Variants in U2SURP observed in about 807,000 individuals in gnomAD.
The protein encoded by U2SURP is U2 snRNP associated SURP domain containing, also known as U2 snRNP-associated SURP motif-containing protein.
A neutral mutation model predicts 144.9 loss-of-function variants in U2SURP; 9 were observed. The ratio of observed to expected loss-of-function variants is 0.06; its 90% confidence interval spans 0.04 to 0.11. The LOEUF (loss-of-function observed/expected upper bound fraction) is 0.11, where lower values mean the gene tolerates loss of function less well. Ranked by LOEUF, U2SURP falls within the 10% of genes least tolerant of loss-of-function variation. The pLI, the probability that U2SURP is intolerant of heterozygous loss-of-function variation, is 1.00. For missense variants in U2SURP, 724 were observed against 1,226.7 expected (o/e 0.59, Z 6.12); for synonymous variants, 408 against 396.8 (o/e 1.03, Z -0.33).
intron 19 of U2SURP, 104 bp downstream of exon 19, chr3:143,035,079 T>A: frequency 1.8e-6 from 1 of 555,322 alleles, no homozygotes; most frequent in Non-Finnish European, 3.0e-6. Flanking sequence ...GACATAAATT[T>A]AAAACTTAGA....
chr3:143,037,436 A>G, intron 21 of U2SURP, 101 bp downstream of exon 21: 3 of 1,097,410 alleles, frequency 2.7e-6, no homozygotes, highest in Non-Finnish European at 2.6e-6. Context: ...ATAGTTTCTC[A>G]TGAACGTATC....
chr3:143,049,385 A>G (rs1934728182), intron 24 of U2SURP, among the ~76,000 whole-genome samples: 1 of 152,106 alleles, frequency 6.6e-6, no homozygotes, highest in African/African-American at 2.4e-5. Context: ...TTTTTGAAGT[A>G]TAAATAAAAT....
Position 143,033,049 on chromosome 3 carries a change from A to G in U2SURP, c.1773+103A>G, listed in dbSNP as rs113734081. The stretch of plus-strand genomic sequence containing the variant: ...GCACTTGACTGATGAGATTTTTCCC[A>G]TGCAGTCTTATGTTATTTCTGCTTG... On this transcript the variant is annotated intron_variant, in intron 17 of 27. Coordinates refer to ENST00000473835, the MANE Select transcript of U2SURP (RefSeq NM_001080415.2). 11 of 1,272,578 alleles carry G rather than the reference A, an allele frequency of 8.6e-6. No homozygotes were observed. In the African/African-American group the frequency reaches 1.5e-4, roughly 17 times the overall value. 78.8% of individuals were successfully genotyped at this position (1,272,578 alleles called of 1,614,324 possible).
chr3:143,001,712 C>T lies in U2SURP; in HGVS notation c.45+39C>T, dbSNP rs767616520. The T allele has an allele frequency of 3.7e-6, 6 of 1,611,954 alleles. No homozygotes were observed. The Admixed American group carries it at 8.4e-5, about 22-fold the overall frequency. On this transcript the variant is annotated intron_variant, in intron 1 of 27. Coordinates refer to ENST00000473835, the MANE Select transcript of U2SURP (RefSeq NM_001080415.2). ...AAATTTCGTAAGTCAGCGGATCTAC[C>T]ACTGTCGTTTGGGGCCCACAGACGC...
Position 143,038,157 on chromosome 3 carries a change from C to G in U2SURP, c.2271C>G (p.Ala757=), listed in dbSNP as rs1180797185. 1.9e-6 allele frequency: 3 copies of G among 1,607,706 alleles called. No individual in the cohort carries two copies. Among genetic ancestry groups the G allele is most frequent in the African/African-American group, 2.7e-5 (2 of 74,678 alleles). ...AGAATGAGCCTATATTTAAAGTTGC[C>G]CCATCAAAATGGGAAGCTGTGGATG... ...SKKNEPIFKV[A]PSKWEAVDES... The change falls in exon 22 of 28, where the codon GCC becomes GCG. Residue 757 remains alanine (A), a synonymous_variant. Coordinates refer to ENST00000473835, the MANE Select transcript of U2SURP (RefSeq NM_001080415.2).
intron 1 of U2SURP, among the ~76,000 whole-genome samples, chr3:143,004,397 C>G (rs1316101972): frequency 9.0e-6 from 1 of 110,768 alleles, no homozygotes; most frequent in African/African-American, 3.4e-5. Context: ...GGAGTCTTGC[C>G]TTGTCGCCCA....
Position 143,016,824 on chromosome 3 carries a change from T to C in U2SURP, c.437-18T>C. ...ATATTGCGAAATTAGTTTTGAAACT[T>C]AGTATTTTAAATTTCAGAAGAACAT... On this transcript the variant is annotated intron_variant, in intron 5 of 27. Transcript: ENST00000473835. 1 of 1,510,842 alleles carries C rather than the reference T, an allele frequency of 6.6e-7. No homozygotes were observed. Among genetic ancestry groups the C allele is most frequent in the Non-Finnish European group, 8.8e-7 (1 of 1,135,936 alleles). 93.6% of individuals were successfully genotyped at this position (1,510,842 alleles called of 1,614,324 possible).
intron 13 of U2SURP, chr3:143,025,947 C>G (rs1195385234): frequency 6.6e-6 from 1 of 152,054 alleles, no homozygotes; most frequent in Non-Finnish European, 1.5e-5. Flanking sequence ...CTGTCTTGTT[C>G]TATAACTATA....
chr3:143,046,271 T>C (rs1934436307), intron 24 of U2SURP, among the ~76,000 whole-genome samples: 1 of 141,592 alleles, frequency 7.1e-6, no homozygotes, highest in South Asian at 2.2e-4. Flanking sequence ...CAGTTCTTTT[T>C]TTTTTTTTTT....
In U2SURP at chr3:143,036,061, T is replaced by G. The variant is rs778366159; in HGVS notation, c.2021T>G (p.Ile674Ser). 1.2e-6 allele frequency: 2 copies of G among 1,611,488 alleles called. No homozygotes were observed. The highest frequency in any genetic ancestry group is 1.7e-6 in the Non-Finnish European group (2 of 1,179,024). ...CCATTTTTGATCAAACTACAAAATA[T>G]TTTCTTAGGACTTGTAAATATTATT... The part of the protein sequence containing the change: ...PEPFLIKLQN[I>S]FLGLVNIIEE... Residue 674 changes from isoleucine (I) to serine (S), a missense_variant, in exon 20 of 28, where the codon ATT (isoleucine) becomes AGT (serine). By Grantham distance (142) the Ile-to-Ser change is moderately radical (BLOSUM62 -2). Coordinates refer to ENST00000473835, the MANE Select transcript of U2SURP (RefSeq NM_001080415.2).
chr3:143,020,821 C>T (rs1936592648), intron 8 of U2SURP, 128 bp downstream of exon 8: 1 of 654,354 alleles, frequency 1.5e-6, no homozygotes, highest in South Asian at 2.2e-5. Flanking sequence ...CTATCCTTTT[C>T]CTTACACATT....
intron 24 of U2SURP, among the ~76,000 whole-genome samples, chr3:143,047,240 C>G (rs1242937957): frequency 1.2e-5 from 1 of 86,112 alleles, no homozygotes; most frequent in Non-Finnish European, 2.1e-5. Flanking sequence ...CCCCACCTCC[C>G]TCCCGGACGG....
At chr3:143,049,806 T>C (rs548128421) in intron 24 of U2SURP, among the ~76,000 whole-genome samples, 25 of 152,348 alleles carry the variant, frequency 1.6e-4, no homozygotes, top group East Asian at 3.9e-4. Context: ...AAGATACTTA[T>C]ATCTCCAGAA....
At chr3:143,035,637 G>T (rs1257177665) in intron 19 of U2SURP, among the ~76,000 whole-genome samples, 1 of 152,064 alleles carries the variant, frequency 6.6e-6, no homozygotes, top group Non-Finnish European at 1.5e-5. Flanking sequence ...GTCAAAACTT[G>T]GCTACTTTGG....
intron 24 of U2SURP, among the ~76,000 whole-genome samples, chr3:143,044,887 C>G (rs1037923808): frequency 2.6e-5 from 4 of 152,146 alleles, no homozygotes; most frequent in African/African-American, 4.8e-5. Context: ...TATGTAGAGT[C>G]AGCGTGGTGT....
chr3:143,001,683 G>T lies in U2SURP; in HGVS notation c.45+10G>T. 1 of 1,613,730 alleles carries T rather than the reference G, an allele frequency of 6.2e-7. No individual in the cohort carries two copies. Among genetic ancestry groups the T allele is most frequent in the South Asian group, 1.1e-5 (1 of 90,958 alleles). On this transcript the variant is annotated intron_variant, in intron 1 of 27. Coordinates refer to ENST00000473835, the MANE Select transcript of U2SURP (RefSeq NM_001080415.2). ...GAAGGCCAGTTCAAAGGTAATTTCT[G>T]ACAAAATTTCGTAAGTCAGCGGATC...
chr3:143,020,388 T>C lies in U2SURP; in HGVS notation c.639-211T>C, dbSNP rs1009744618. ...TTTAATTTCCTCCTCACCTTTAAAG[T>C]AGGCTTTGTGTTCCATTGGTAGTAT... is the stretch of plus-strand genomic sequence containing the variant. On this transcript the variant is annotated intron_variant, in intron 7 of 27. Coordinates refer to ENST00000473835, the MANE Select transcript of U2SURP (RefSeq NM_001080415.2). Among the ~76,000 whole-genome samples the C allele has an allele frequency of 7.2e-5, 11 of 152,158 alleles. 1 individual carries two copies. The highest frequency in any genetic ancestry group is 2.7e-4 in the African/African-American group (11 of 41,448).
At position 143,021,728 on chromosome 3, in the gene U2SURP, T is replaced by TA. The variant is rs1034945895; in HGVS notation, c.852+173_852+174insA. ...TGTCTTGCCACATATTCTTGTTTCC[T>TA]CTTTCAGTAACTAGATTGAACTCTG... is the stretch of plus-strand genomic sequence containing the variant. On this transcript the variant is annotated intron_variant, in intron 10 of 27. Coordinates refer to ENST00000473835, the MANE Select transcript of U2SURP (RefSeq NM_001080415.2). 102 of 632,760 alleles carry TA rather than the reference T, an allele frequency of 1.6e-4. 1 individual carries two copies. The highest frequency in any genetic ancestry group is 2.2e-4 in the Non-Finnish European group (79 of 364,732). The allele number at this position is 632,760 out of a possible 1,614,324, so 39.2% of individuals were successfully genotyped here.
At chr3:143,052,534 G>A (rs1043990520) in intron 25 of U2SURP, among the ~76,000 whole-genome samples, 6 of 152,220 alleles carry the variant, frequency 3.9e-5, no homozygotes, top group African/African-American at 1.4e-4. Flanking sequence ...TATAATTGGA[G>A]AGAAGGAATA....
Sources: allele counts gnomAD v4.1 joint callset (sites outside exome capture counted in the v4.1 genomes callset), GRCh38; gene constraint gnomAD v4.1.1; transcripts MANE v1.5; gene names NCBI Gene and HGNC (gene_info 2026-07-23, HGNC 2026-07-21).